Variants in SLC27A2 observed in about 807,000 individuals in gnomAD.
The protein encoded by SLC27A2 is long-chain fatty acid transport protein 2.
A neutral mutation model predicts 60.0 loss-of-function variants in SLC27A2; 54 were observed. The observed-to-expected ratio is 0.90, with a 90% CI of 0.72 to 1.13. The LOEUF (loss-of-function observed/expected upper bound fraction) is 1.13. Among genes scored for constraint, SLC27A2 ranks in the 50% most tolerant of loss-of-function variants. The probability of loss-of-function intolerance (pLI) is 0.00; values close to 1 mark genes in which losing one functional copy is unlikely to be tolerated. For missense variants in SLC27A2, 739 were observed against 777.6 expected, an observed-to-expected ratio of 0.95 and a Z score of 0.59; for synonymous variants, 297 against 297.6, an observed-to-expected ratio of 1.00 and a Z score of 0.02.
At chr15:50,193,621 A>G (rs564015205) in intron 1 of SLC27A2, among the ~76,000 whole-genome samples, 3 of 152,340 alleles carry the variant, frequency 2.0e-5, no homozygotes, top group East Asian at 1.9e-4. Flanking sequence ...GCATACTTGT[A>G]TCTCAGAAAT....
In SLC27A2 at chr15:50,207,952, C is replaced by CAA. The variant is rs766791604; in HGVS notation, c.972+2601_972+2602dup. 7.8e-3 allele frequency among the ~76,000 whole-genome samples: 896 copies of CAA among 114,448 alleles called. 9 individuals carry two copies. Among genetic ancestry groups the CAA allele is most frequent in the African/African-American group, 0.026 (850 of 32,208 alleles). 75.1% of individuals were successfully genotyped at this position (114,448 alleles called of 152,430 possible). On this transcript the variant is annotated intron_variant, in intron 4 of 9. Transcript: ENST00000267842. ...GAAAGATTATATCAAAAAGACTTTG[C>CAA]AAAAAAAAAAAAAGAATTGGATAAA...
At chr15:50,234,760 A>G (rs2045339355) in intron 9 of SLC27A2, among the ~76,000 whole-genome samples, 1 of 152,110 alleles carries the variant, frequency 6.6e-6, no homozygotes, top group African/African-American at 2.4e-5. Flanking sequence ...CCCAGTCTAA[A>G]AAAAAATATA....
chr15:50,205,499 T>G lies in SLC27A2; in HGVS notation c.972+136T>G, dbSNP rs980537581. 4 of 818,228 alleles carry G rather than the reference T, an allele frequency of 4.9e-6. No homozygotes were observed. In the African/African-American group the frequency reaches 5.1e-5, roughly 11 times the overall value. 50.7% of individuals were successfully genotyped at this position (818,228 alleles called of 1,614,324 possible). A position where few individuals can be genotyped will look rare whatever the true frequency, so the allele number is the denominator to read the frequency against. On this transcript the variant is annotated intron_variant, in intron 4 of 9. Transcript: ENST00000267842. ...GGATACAATTATCATGATAAAGTAC[T>G]TGGCACTATACCTACCATATAGAGG...
chr15:50,202,313 A>G (rs911267565), intron 2 of SLC27A2, among the ~76,000 whole-genome samples, 174 bp from the exon 3 acceptor site: 4 of 152,198 alleles, frequency 2.6e-5, no homozygotes, highest in Admixed American at 2.6e-4. Context: ...CAAAACATTT[A>G]CTCCCTGGTC....
intron 4 of SLC27A2, among the ~76,000 whole-genome samples, chr15:50,222,726 G>A (rs1260213241): frequency 6.6e-6 from 1 of 152,210 alleles, no homozygotes; most frequent in Non-Finnish European, 1.5e-5. Context: ...ACATGTTTTG[G>A]TTGTTAAATC....
chr15:50,188,687 C>T (rs568591514), intron 1 of SLC27A2, among the ~76,000 whole-genome samples: 3 of 152,312 alleles, frequency 2.0e-5, no homozygotes, highest in South Asian at 4.1e-4. Flanking sequence ...GGGCAGGGCA[C>T]GGTGGCTCAT....
intron 4 of SLC27A2, among the ~76,000 whole-genome samples, chr15:50,212,444 C>T (rs1214283380): frequency 2.6e-5 from 4 of 152,180 alleles, no homozygotes; most frequent in Admixed American, 1.3e-4. Flanking sequence ...ACAAAGAACA[C>T]CTGGGAAATT....
At chr15:50,196,060 A>AAAAAAAAT (rs1567428280) in intron 1 of SLC27A2, among the ~76,000 whole-genome samples, 3 of 13,832 alleles carry the variant, frequency 2.2e-4, no homozygotes, top group South Asian at 4.0e-3. Context: ...TCTCAAAAAA[A>AAAAAAAAT]AAAAAAAAAA....
chr15:50,192,741 A>T (rs1317454639), intron 1 of SLC27A2, among the ~76,000 whole-genome samples: 2 of 143,306 alleles, frequency 1.4e-5, no homozygotes, highest in African/African-American at 2.6e-5. Context: ...TTTTTTGTAG[A>T]GGTGTTTTGC....
At chr15:50,234,095 C>A in intron 9 of SLC27A2, 97 bp downstream of exon 9, 2 of 1,173,836 alleles carry the variant, frequency 1.7e-6, no homozygotes, top group South Asian at 1.7e-5. Context: ...CTACATTTGC[C>A]AAGTTTTCAC....
At chr15:50,197,789 T>C (rs1344166492) in intron 2 of SLC27A2, 80 bp downstream of exon 2, 25 of 1,024,958 alleles carry the variant, frequency 2.4e-5, no homozygotes, top group Non-Finnish European at 3.4e-5. Flanking sequence ...ATCTCTTTCT[T>C]TGGCAAAACG....
intron 1 of SLC27A2, among the ~76,000 whole-genome samples, chr15:50,197,284 G>A (rs920243134): frequency 1.3e-5 from 2 of 151,954 alleles, no homozygotes; most frequent in African/African-American, 4.8e-5. Flanking sequence ...AATTGCTTGA[G>A]GCCAGGAGTT....
At chr15:50,232,527 A>G (rs755479108) in intron 8 of SLC27A2, among the ~76,000 whole-genome samples, 1 of 152,170 alleles carries the variant, frequency 6.6e-6, no homozygotes, top group Non-Finnish European at 1.5e-5. Flanking sequence ...CAGAGCTCCT[A>G]TAGGCTGGAA....
chr15:50,192,335 G>A (rs1180400779), intron 1 of SLC27A2, among the ~76,000 whole-genome samples: 2 of 152,132 alleles, frequency 1.3e-5, no homozygotes, highest in African/African-American at 4.8e-5. Flanking sequence ...ATGGTGTAGG[G>A]CAGGGGCAAT....
intron 5 of SLC27A2, 101 bp downstream of exon 5, chr15:50,223,260 T>C (rs1308852398): frequency 1.2e-6 from 1 of 832,858 alleles, no homozygotes; most frequent in African/African-American, 1.7e-5. Flanking sequence ...TCAGGCAGCA[T>C]CAGAGCCATG....
In SLC27A2 at chr15:50,186,717, G is replaced by A. The variant is rs183013938; in HGVS notation, c.478+3812G>A. On this transcript the variant is annotated intron_variant, in intron 1 of 9. Coordinates refer to ENST00000267842, the MANE Select transcript of SLC27A2 (RefSeq NM_003645.4). Reference sequence around the variant, plus strand: ...CTCCCAAAGTGCTGGGATTAGAGGCGTGAGCCACTGCTACTGGCCTTCTCA... The same window carrying A: ...CTCCCAAAGTGCTGGGATTAGAGGCATGAGCCACTGCTACTGGCCTTCTCA... 7.5e-4 allele frequency among the ~76,000 whole-genome samples: 115 copies of A among 152,332 alleles called. 1 individual carries two copies. Among genetic ancestry groups the A allele is most frequent in the African/African-American group, 2.5e-3 (106 of 41,572 alleles).
At chr15:50,207,067 TG>T (rs1345540135) in intron 4 of SLC27A2, among the ~76,000 whole-genome samples, 4 of 152,228 alleles carry the variant, frequency 2.6e-5, no homozygotes, top group African/African-American at 9.7e-5. Flanking sequence ...ACCCTTCTGC[TG>T]GGCTTTTCTT....
chr15:50,215,271 G>T (rs866356963), intron 4 of SLC27A2, among the ~76,000 whole-genome samples: 1 of 151,880 alleles, frequency 6.6e-6, no homozygotes, highest in Non-Finnish European at 1.5e-5. Context: ...GAGTCAAAAG[G>T]CCTCTACATA....
chr15:50,191,566 G>A (rs1375679569), intron 1 of SLC27A2, among the ~76,000 whole-genome samples: 1 of 152,116 alleles, frequency 6.6e-6, no homozygotes, highest in Non-Finnish European at 1.5e-5. Flanking sequence ...ACAGTTCAAT[G>A]TCTCCCTCTA....
Sources: gnomAD v4.1 joint callset for allele counts (sites outside exome capture counted in the v4.1 genomes callset) on GRCh38, gnomAD v4.1.1 for gene constraint, MANE v1.5 for transcripts, NCBI Gene and HGNC (gene_info 2026-07-23, HGNC 2026-07-21) for gene names.